Variants in DLGAP1 observed in about 807,000 individuals in gnomAD.
DLGAP1 encodes disks large-associated protein 1.
Under a neutral mutation model 90.8 loss-of-function variants are expected in DLGAP1, and 11 were observed. The observed-to-expected ratio is 0.12, with a 90% CI of 0.08 to 0.20. The LOEUF is 0.20. DLGAP1 is among the 10% of genes least tolerant of loss of function. The pLI, the probability that DLGAP1 is intolerant of heterozygous loss-of-function variation, is 1.00. For synonymous variants in DLGAP1, 558 were observed against 540.7 expected (o/e 1.03, Z -0.44); for missense variants, 1,050 against 1,333.8 (o/e 0.79, Z 3.31).
At chr18:4,316,435 G>A (rs2080528890) in intron 1 of DLGAP1, among the ~76,000 whole-genome samples, 1 of 152,110 alleles carries the variant, frequency 6.6e-6, no homozygotes, top group Admixed American at 6.5e-5. Flanking sequence ...GGCAGGGTCG[G>A]GTGGCACAGT....
rs928227940 is a variant in DLGAP1, at chr18:4,333,569, G to A, written c.-267+121437C>T. ...AAAAGAAGCATTTTCTTTGGAACCC[G>A]GTATCAGTGCCATGCATGTATGAAA... On this transcript the variant is annotated intron_variant, in intron 1 of 12. Coordinates refer to ENST00000315677, the MANE Select transcript of DLGAP1 (RefSeq NM_004746.4). 8.7e-5 allele frequency among the ~76,000 whole-genome samples: 13 copies of A among 150,008 alleles called. 1 individual carries two copies. The highest frequency in any genetic ancestry group is 1.5e-4 in the African/African-American group (6 of 40,554).
intron 2 of DLGAP1, among the ~76,000 whole-genome samples, chr18:4,134,965 A>G (rs892086076): frequency 1.3e-5 from 2 of 152,128 alleles, no homozygotes; most frequent in Non-Finnish European, 2.9e-5. Context: ...GCCACCAAGA[A>G]AATGCAAAAA....
intron 1 of DLGAP1, among the ~76,000 whole-genome samples, chr18:4,197,488 A>G (rs1308138614): frequency 1.3e-5 from 2 of 152,154 alleles, no homozygotes. Flanking sequence ...TCAAGTCTGT[A>G]TTGGAGGAAG....
chr18:3,988,467 G>A (rs2149044943), intron 3 of DLGAP1, among the ~76,000 whole-genome samples: 1 of 152,264 alleles, frequency 6.6e-6, no homozygotes, highest in Non-Finnish European at 1.5e-5. Flanking sequence ...ACTCCCCAGT[G>A]ATTGCATCAC....
rs1215352961 is a variant in DLGAP1, at chr18:3,534,349, G to A, written c.2324C>T (p.Ser775Phe). ...ILPPPDPWID[S>F]ITEDPLEAVQ... Reference sequence around the variant, plus strand: ...GGCCTCCAGAGGGTCTTCAGTGATAGAGTCAATCCAGGGGTCCGGAGGAGG... The same window carrying A: ...GGCCTCCAGAGGGTCTTCAGTGATAAAGTCAATCCAGGGGTCCGGAGGAGG... The change falls in exon 10 of 13, where the codon TCT (serine) becomes TTT (phenylalanine). Residue 775 changes from serine (S) to phenylalanine (F), a missense_variant. Ser to Phe is a radical substitution (Grantham distance 155). This residue lies in a region of DLGAP1 where 565 missense variants were observed against 879.7 expected (regional missense o/e 0.64). Coordinates refer to ENST00000315677, the MANE Select transcript of DLGAP1 (RefSeq NM_004746.4). The A allele has an allele frequency of 6.2e-7, 1 of 1,614,068 alleles. No individual in the cohort carries two copies. Among genetic ancestry groups the A allele is most frequent in the Non-Finnish European group, 8.5e-7 (1 of 1,180,036 alleles).
Position 3,629,400 on chromosome 18 carries a change from G to C in DLGAP1, c.1592-47152C>G, listed in dbSNP as rs1283795696. Among the ~76,000 whole-genome samples, 5 of 151,852 alleles carry C rather than the reference G, an allele frequency of 3.3e-5. No individual in the cohort carries two copies. The South Asian group carries it at 6.3e-4, about 19-fold the overall frequency. ...TAAAAATAAAAAATAGGCTGGGCGC[G>C]GTGGCTCAACCCTGTAATCCCAGCA... On this transcript the variant is annotated intron_variant, in intron 7 of 12. Transcript: ENST00000315677.
At chr18:4,129,836 T>C (rs1239065951) in intron 2 of DLGAP1, among the ~76,000 whole-genome samples, 1 of 152,152 alleles carries the variant, frequency 6.6e-6, no homozygotes, top group African/African-American at 2.4e-5. Flanking sequence ...AACAGGAATA[T>C]ATAAAATAAT....
chr18:3,952,625 A>G (rs1426754466), intron 3 of DLGAP1, among the ~76,000 whole-genome samples: 2 of 152,226 alleles, frequency 1.3e-5, no homozygotes, highest in Non-Finnish European at 2.9e-5. Context: ...GAACAAAACC[A>G]TGGTAAGTGG....
chr18:3,742,126 G>A (rs1378034342), intron 6 of DLGAP1, among the ~76,000 whole-genome samples: 1 of 152,056 alleles, frequency 6.6e-6, no homozygotes, highest in Non-Finnish European at 1.5e-5. Flanking sequence ...ACTTACAGAG[G>A]GCCCCACCTC....
At chr18:3,988,146 C>T (rs2073881064) in intron 3 of DLGAP1, among the ~76,000 whole-genome samples, 1 of 151,956 alleles carries the variant, frequency 6.6e-6, no homozygotes, top group Non-Finnish European at 1.5e-5. Context: ...ATAAGTGTTG[C>T]TTATGTCCAC....
chr18:4,177,538 G>GT lies in DLGAP1; in HGVS notation c.-266-26252dup, dbSNP rs1421756271. On this transcript the variant is annotated intron_variant, in intron 1 of 12. Transcript: ENST00000315677. ...TATAGGTAAGTTGCATGTCATAAGT[G>GT]TTTGGTGTACAGATAATTTCATCAC... 3.3e-5 allele frequency among the ~76,000 whole-genome samples: 5 copies of GT among 152,236 alleles called. No individual in the cohort carries two copies. The South Asian group carries it at 1.0e-3, about 32-fold the overall frequency.
intron 1 of DLGAP1, among the ~76,000 whole-genome samples, chr18:4,348,528 G>A (rs1358517480): frequency 6.6e-6 from 1 of 151,862 alleles, no homozygotes; most frequent in Non-Finnish European, 1.5e-5. Context: ...TGACCTAGAA[G>A]CAATGGCAGA....
intron 1 of DLGAP1, among the ~76,000 whole-genome samples, chr18:4,264,437 T>C (rs2079063673): frequency 6.6e-6 from 1 of 152,232 alleles, no homozygotes; most frequent in Non-Finnish European, 1.5e-5. Context: ...CTTGATGATC[T>C]GTCAGTAGCT....
chr18:4,247,531 T>A (rs1410284226), intron 1 of DLGAP1, among the ~76,000 whole-genome samples: 1 of 152,170 alleles, frequency 6.6e-6, no homozygotes, highest in East Asian at 1.9e-4. Flanking sequence ...ATCCCAGCAC[T>A]TTCGGAGGCC....
intron 1 of DLGAP1, among the ~76,000 whole-genome samples, chr18:4,325,810 T>A (rs1598904485): frequency 6.6e-6 from 1 of 152,270 alleles, no homozygotes; most frequent in East Asian, 1.9e-4. Flanking sequence ...GCTAGCCATA[T>A]GCATTAGATT....
chr18:3,855,825 C>T (rs1203944310), intron 4 of DLGAP1, among the ~76,000 whole-genome samples: 1 of 152,114 alleles, frequency 6.6e-6, no homozygotes, highest in African/African-American at 2.4e-5. Flanking sequence ...GTTGGCCAGG[C>T]TGGTCTGGAA....
chr18:3,759,082 C>G (rs970786290), intron 5 of DLGAP1, among the ~76,000 whole-genome samples: 1 of 144,908 alleles, frequency 6.9e-6, no homozygotes, highest in East Asian at 2.5e-4. Flanking sequence ...AGGTTTGACA[C>G]GGGGCATAAA....
intron 1 of DLGAP1, among the ~76,000 whole-genome samples, chr18:4,297,512 A>G (rs1402725538): frequency 6.6e-6 from 1 of 152,226 alleles, no homozygotes; most frequent in East Asian, 1.9e-4. Context: ...TTGTTGGGAA[A>G]CAATTGTCCC....
chr18:3,630,388 T>C (rs923229626), intron 7 of DLGAP1, among the ~76,000 whole-genome samples: 1 of 152,154 alleles, frequency 6.6e-6, no homozygotes, highest in Non-Finnish European at 1.5e-5. Flanking sequence ...CTCAGGCTCC[T>C]GGATTCAAGC....
Sources: allele counts gnomAD v4.1 joint callset (sites outside exome capture counted in the v4.1 genomes callset), GRCh38; gene constraint gnomAD v4.1.1; regional missense constraint gnomAD v4.1.1; transcripts MANE v1.5; gene names NCBI Gene and HGNC (gene_info 2026-07-23, HGNC 2026-07-21).